The following NRCAM variants were observed in gnomAD, a reference collection of about 807,000 sequenced individuals.
NRCAM encodes the protein NgCAM-related cell adhesion molecule.
A neutral mutation model predicts 156.5 loss-of-function variants in NRCAM; 83 were observed. The ratio of observed to expected loss-of-function variants is 0.53; its 90% CI spans 0.44 to 0.64. The LOEUF (loss-of-function observed/expected upper bound fraction) is 0.64. Among genes scored for constraint, NRCAM ranks in the 30% least tolerant of loss-of-function variants. The probability of loss-of-function intolerance (pLI) is 0.00; values close to 1 mark genes in which losing one functional copy is unlikely to be tolerated. For missense variants in NRCAM, 1,417 were observed against 1,597.3 expected (o/e 0.89, Z 1.92); for synonymous variants, 538 against 563.9 (o/e 0.95, Z 0.65).
At chr7:108,439,794 T>C (rs1400891767) in intron 1 of NRCAM, among the ~76,000 whole-genome samples, 7 of 136,268 alleles carry the variant, frequency 5.1e-5, no homozygotes, top group African/African-American at 1.1e-4. Context: ...GATTGCGCCA[T>C]TGCACTCCAG....
chr7:108,361,665 C>A (rs550886698), intron 2 of NRCAM, among the ~76,000 whole-genome samples: 23 of 152,254 alleles, frequency 1.5e-4, no homozygotes, highest in Admixed American at 1.1e-3. Flanking sequence ...CAGACTAGAA[C>A]TAAATCATTA....
chr7:108,169,728 A>G (rs2057282882), intron 28 of NRCAM, among the ~76,000 whole-genome samples: 1 of 152,218 alleles, frequency 6.6e-6, no homozygotes, highest in Non-Finnish European at 1.5e-5. Context: ...TATAGGTAAA[A>G]TAATAGGAAT....
At chr7:108,192,845 T>C (rs1587549144) in intron 17 of NRCAM, among the ~76,000 whole-genome samples, 2 of 152,332 alleles carry the variant, frequency 1.3e-5, no homozygotes, top group East Asian at 3.9e-4. Flanking sequence ...ATGAACAATC[T>C]CTCTAAGACT....
At chr7:108,286,839 T>G (rs1397216615) in intron 3 of NRCAM, among the ~76,000 whole-genome samples, 1 of 152,202 alleles carries the variant, frequency 6.6e-6, no homozygotes, top group Non-Finnish European at 1.5e-5. Flanking sequence ...TTATTATGTT[T>G]AGGCACATCT....
intron 1 of NRCAM, among the ~76,000 whole-genome samples, chr7:108,441,574 T>C (rs1357659121): frequency 1.3e-5 from 2 of 152,252 alleles, no homozygotes; most frequent in African/African-American, 2.4e-5. Context: ...TATATCATAG[T>C]AGGATGACAC....
chr7:108,300,798 AT>A (rs1196027763), intron 3 of NRCAM, among the ~76,000 whole-genome samples: 1 of 152,188 alleles, frequency 6.6e-6, no homozygotes, highest in African/African-American at 2.4e-5. Flanking sequence ...CTTAGAAAAG[AT>A]TATTTTTAAA....
At chr7:108,238,915 T>C (rs758172570) in intron 4 of NRCAM, among the ~76,000 whole-genome samples, 2 of 151,824 alleles carry the variant, frequency 1.3e-5, no homozygotes, top group African/African-American at 2.4e-5. Context: ...TTGCAACCTC[T>C]ATGGTAATAA....
chr7:108,320,625 T>C (rs2098990444), intron 2 of NRCAM, among the ~76,000 whole-genome samples: 1 of 152,194 alleles, frequency 6.6e-6, no homozygotes, highest in Non-Finnish European at 1.5e-5. Flanking sequence ...TATATTAAAC[T>C]TCATAAAATA....
At chr7:108,398,336 C>T (rs1270747386) in intron 2 of NRCAM, among the ~76,000 whole-genome samples, 2 of 152,158 alleles carry the variant, frequency 1.3e-5, no homozygotes, top group Non-Finnish European at 2.9e-5. Flanking sequence ...CTTTCAAATT[C>T]CCCTTTCTTT....
chr7:108,367,799 G>C (rs2099600957), intron 2 of NRCAM, among the ~76,000 whole-genome samples: 1 of 152,096 alleles, frequency 6.6e-6, no homozygotes. Flanking sequence ...CATATAAATA[G>C]TCATTTCTCC....
chr7:108,361,356 C>T (rs966386825), intron 2 of NRCAM, among the ~76,000 whole-genome samples: 2 of 152,064 alleles, frequency 1.3e-5, no homozygotes, highest in Non-Finnish European at 1.5e-5. Flanking sequence ...AGATATTTTG[C>T]CAAACATTTT....
intron 1 of NRCAM, among the ~76,000 whole-genome samples, chr7:108,421,688 T>G (rs1810100018): frequency 6.6e-6 from 1 of 152,210 alleles, no homozygotes; most frequent in South Asian, 2.1e-4. Flanking sequence ...GTATTCCAGA[T>G]AAGGAACTGA....
chr7:108,291,077 C>A (rs1221177388), intron 3 of NRCAM, among the ~76,000 whole-genome samples: 1 of 152,134 alleles, frequency 6.6e-6, no homozygotes, highest in African/African-American at 2.4e-5. Context: ...AGTCCAGAAT[C>A]TAGTCACTCA....
chr7:108,430,241 C>T (rs539255244), intron 1 of NRCAM, among the ~76,000 whole-genome samples: 3 of 152,240 alleles, frequency 2.0e-5, no homozygotes, highest in South Asian at 2.1e-4. Flanking sequence ...CATGATCTTA[C>T]TTTCATTGTT....
chr7:108,162,429 C>T (rs535671801), intron 30 of NRCAM, among the ~76,000 whole-genome samples: 1 of 152,330 alleles, frequency 6.6e-6, no homozygotes, highest in Admixed American at 6.5e-5. Context: ...GTCTCTTAAG[C>T]ATTTGACTAT....
At chr7:108,172,436 C>CAG (rs2152081024) in intron 28 of NRCAM, among the ~76,000 whole-genome samples, 1 of 152,240 alleles carries the variant, frequency 6.6e-6, no homozygotes, top group South Asian at 2.1e-4. Context: ...GCTAGGACTA[C>CAG]AGGTGTGTAC....
At chr7:108,427,600 T>C (rs1163216100) in intron 1 of NRCAM, among the ~76,000 whole-genome samples, 1 of 152,208 alleles carries the variant, frequency 6.6e-6, no homozygotes, top group Non-Finnish European at 1.5e-5. Context: ...TTATTTATGA[T>C]TTTACCATGC....
At chr7:108,401,536 G>A (rs890151274) in intron 1 of NRCAM, among the ~76,000 whole-genome samples, 2 of 152,146 alleles carry the variant, frequency 1.3e-5, no homozygotes, top group Non-Finnish European at 2.9e-5. Flanking sequence ...GGAAGATCCT[G>A]TCTCAAAAAC....
chr7:108,170,250 T>G (rs1340026760), intron 28 of NRCAM, among the ~76,000 whole-genome samples: 2 of 152,112 alleles, frequency 1.3e-5, no homozygotes, highest in African/African-American at 4.8e-5. Flanking sequence ...TGCAACAACA[T>G]GGATGAACCT....
Sources: allele counts gnomAD v4.1 joint callset (sites outside exome capture counted in the v4.1 genomes callset), GRCh38; gene constraint gnomAD v4.1.1; transcripts MANE v1.5; gene names NCBI Gene and HGNC (gene_info 2026-07-23, HGNC 2026-07-21).